ARID4B: variants seen among roughly 807,000 people sequenced by gnomAD.
The protein encoded by ARID4B is AT-rich interaction domain 4B, also known as AT-rich interactive domain-containing protein 4B.
ARID4B carries 26 observed loss-of-function variants against 147.5 expected under a neutral mutation model. That is an observed-to-expected ratio of 0.18 (90% CI 0.13 to 0.24). ARID4B has a LOEUF of 0.24. Ranked by LOEUF, ARID4B falls within the 10% of genes least tolerant of loss-of-function variation. The probability of loss-of-function intolerance (pLI) is 1.00; values close to 1 mark genes in which losing one functional copy is unlikely to be tolerated. For missense variants in ARID4B, 1,179 were observed against 1,511.5 expected, an observed-to-expected ratio of 0.78 and a Z score of 3.65; for synonymous variants, 512 against 507.9, an observed-to-expected ratio of 1.01 and a Z score of -0.11.
chr1:235,252,844 G>A (rs1387944043), intron 5 of ARID4B, 35 bp from the exon 6 acceptor site: 3 of 1,567,772 alleles, frequency 1.9e-6, no homozygotes, highest in Non-Finnish European at 1.7e-6. Context: ...GCTACTGAAG[G>A]ATTTTTTCAA....
In ARID4B at chr1:235,182,297, T is replaced by G. The variant is rs758471988; in HGVS notation, c.2622A>C (p.Thr874=). The G allele has an allele frequency of 6.2e-7, 1 of 1,613,992 alleles. No individual in the cohort carries two copies. The highest frequency in any genetic ancestry group is 1.1e-5 in the South Asian group (1 of 91,036). ...CCAAACCATTGTATTTCTTAGTTGG[T>G]GTCATCTTTGCTTTTGTTTCTTCTT... ...EDEEETKAKM[T]PTKKYNGLEE... is the part of the protein sequence containing the mutation. Residue 874 remains threonine (T), a synonymous_variant, in exon 20 of 24, where the codon ACA becomes ACC. Transcript: ENST00000264183.
At chr1:235,310,290 T>G (rs12077912) in intron 2 of ARID4B, among the ~76,000 whole-genome samples, 6,075 of 152,306 alleles carry the variant, frequency 0.04, 451 homozygotes, top group African/African-American at 0.14. Flanking sequence ...AAAAGGTTTG[T>G]AAACTACACT....
In ARID4B at chr1:235,173,742, T is replaced by TA. The variant is rs755815257; in HGVS notation, c.3665-979dup. On this transcript the variant is annotated intron_variant, in intron 22 of 23. Transcript: ENST00000264183. Reference sequence around the variant, plus strand: ...AACATAATGAGACCTCGTCTCTATTTAAAAAAAAAAAAAAAAAAAAAAAAA... The same window carrying TA: ...AACATAATGAGACCTCGTCTCTATTTAAAAAAAAAAAAAAAAAAAAAAAAAA... Among the ~76,000 whole-genome samples, 18 of 26,256 alleles carry TA rather than the reference T, an allele frequency of 6.9e-4. 3 individuals carry two copies. The highest frequency in any genetic ancestry group is 3.3e-3 in the East Asian group (1 of 306). The allele number at this position is 26,256 out of a possible 152,430, so 17.2% of individuals were successfully genotyped here.
chr1:235,174,871 C>T (rs959679488), intron 22 of ARID4B, among the ~76,000 whole-genome samples: 1 of 149,724 alleles, frequency 6.7e-6, no homozygotes, highest in Non-Finnish European at 1.5e-5. Context: ...TTTGGGAGGC[C>T]GAGGCGGGCG....
intron 2 of ARID4B, among the ~76,000 whole-genome samples, chr1:235,265,795 C>T (rs1412621742): frequency 6.6e-6 from 1 of 152,140 alleles, no homozygotes; most frequent in Non-Finnish European, 1.5e-5. Flanking sequence ...GGCTAAGCCA[C>T]TTAGCTAAGT....
At chr1:235,257,848 A>T (rs1384540023) in intron 3 of ARID4B, among the ~76,000 whole-genome samples, 1 of 152,142 alleles carries the variant, frequency 6.6e-6, no homozygotes, top group African/African-American at 2.4e-5. Context: ...TTTCCTAAAA[A>T]ATGAGAAAGA....
At chr1:235,321,104 C>T (rs190704391) in intron 2 of ARID4B, among the ~76,000 whole-genome samples, 1 of 152,180 alleles carries the variant, frequency 6.6e-6, no homozygotes, top group Admixed American at 6.5e-5. Context: ...GGAAAGTACA[C>T]AATGTGTTCA....
At chr1:235,175,106 T>TAAAAAC in intron 22 of ARID4B, 78 bp downstream of exon 22, 2 of 1,373,312 alleles carry the variant, frequency 1.5e-6, no homozygotes, top group Non-Finnish European at 2.1e-6. Flanking sequence ...ACTCTGTCTC[T>TAAAAAC]AAAAACAAAA....
At chr1:235,316,649 T>A (rs1416486163) in intron 2 of ARID4B, among the ~76,000 whole-genome samples, 1 of 152,012 alleles carries the variant, frequency 6.6e-6, no homozygotes, top group Non-Finnish European at 1.5e-5. Flanking sequence ...CGAAACCTCG[T>A]CTGTACTAAA....
intron 17 of ARID4B, among the ~76,000 whole-genome samples, chr1:235,208,786 G>A (rs1353093090): frequency 6.6e-6 from 1 of 152,012 alleles, no homozygotes; most frequent in Non-Finnish European, 1.5e-5. Flanking sequence ...CAAAGTGCTG[G>A]GATTACAGGC....
chr1:235,298,060 TGAAAG>T (rs1261916922), intron 2 of ARID4B, among the ~76,000 whole-genome samples: 3 of 152,172 alleles, frequency 2.0e-5, no homozygotes, highest in African/African-American at 4.8e-5. Flanking sequence ...AGTTGTACTA[TGAAAG>T]GAAAGTTCAA....
rs150751250 is a variant in ARID4B, at chr1:235,181,743, C to T, written c.3176G>A (p.Arg1059Gln). The T allele has an allele frequency of 1.8e-4, 285 of 1,613,978 alleles. No homozygotes were observed. Among genetic ancestry groups the T allele is most frequent in the Non-Finnish European group, 2.2e-4 (261 of 1,180,020 alleles). Residue 1059 changes from arginine to glutamine, a missense_variant, in exon 20 of 24, where the codon CGA becomes CAA. By Grantham distance (43) the Arg-to-Gln change is conservative (BLOSUM62 1). Coordinates refer to ENST00000264183, the MANE Select transcript of ARID4B (RefSeq NM_016374.6). Reference protein sequence around the residue: ...EPLAPNQEEVRSIKSETDSTI... With the variant: ...EPLAPNQEEVQSIKSETDSTI... ...GCTATCAGTTTCACTCTTGATACTTCGAACCTCTTCTTGGTTTGGAGCCAG... is the reference window on the plus strand; with the variant it reads ...GCTATCAGTTTCACTCTTGATACTTTGAACCTCTTCTTGGTTTGGAGCCAG...
At chr1:235,230,594 T>TA (rs1175996354) in intron 10 of ARID4B, among the ~76,000 whole-genome samples, 7,535 of 58,054 alleles carry the variant, frequency 0.13, 445 homozygotes, top group African/African-American at 0.24. Flanking sequence ...GACTATAAGC[T>TA]AAAAAAAAAA....
At chr1:235,295,112 G>A (rs1384153853) in intron 2 of ARID4B, among the ~76,000 whole-genome samples, 3 of 151,912 alleles carry the variant, frequency 2.0e-5, no homozygotes, top group Non-Finnish European at 4.4e-5. Context: ...ACAGACAAAG[G>A]AATCTCAAAC....
chr1:235,290,831 T>A (rs1427131892), intron 2 of ARID4B, among the ~76,000 whole-genome samples: 2 of 152,202 alleles, frequency 1.3e-5, no homozygotes, highest in Non-Finnish European at 2.9e-5. Flanking sequence ...GTGTGGAGGC[T>A]TACGCCTGTA....
intron 2 of ARID4B, among the ~76,000 whole-genome samples, chr1:235,302,470 A>G (rs996109191): frequency 9.9e-5 from 15 of 152,152 alleles, no homozygotes; most frequent in Admixed American, 6.6e-4. Context: ...AAATATCTCA[A>G]TAATTTTGAT....
intron 7 of ARID4B, among the ~76,000 whole-genome samples, chr1:235,241,605 G>A (rs1047520727): frequency 6.6e-6 from 1 of 152,094 alleles, no homozygotes; most frequent in Non-Finnish European, 1.5e-5. Flanking sequence ...TGCAAGCTCC[G>A]CCTCCTGGGT....
At chr1:235,188,086 A>C (rs1397272974) in intron 19 of ARID4B, among the ~76,000 whole-genome samples, 1 of 152,142 alleles carries the variant, frequency 6.6e-6, no homozygotes. Flanking sequence ...TCTATTACAC[A>C]TATAGGATAA....
intron 2 of ARID4B, among the ~76,000 whole-genome samples, chr1:235,270,080 G>C (rs1043681631): frequency 6.6e-6 from 1 of 152,050 alleles, no homozygotes. Context: ...TCAGGAGATC[G>C]AGACCATCTT....
Sources: allele counts gnomAD v4.1 joint callset (sites outside exome capture counted in the v4.1 genomes callset), GRCh38; gene constraint gnomAD v4.1.1; transcripts MANE v1.5; gene names NCBI Gene and HGNC (gene_info 2026-07-23, HGNC 2026-07-21).